Variants in RORA observed in about 807,000 individuals in gnomAD.
RORA encodes RAR related orphan receptor A.
In RORA, 7 loss-of-function variants were observed where a neutral mutation model predicts 69.5. The ratio of observed to expected loss-of-function variants is 0.10; its 90% CI spans 0.06 to 0.19. RORA has a LOEUF of 0.19. Among genes scored for constraint, RORA ranks in the 10% least tolerant of loss-of-function variants. The pLI is 1.00. For missense variants in RORA, 457 were observed against 663.0 expected (o/e 0.69, Z 3.41); for synonymous variants, 261 against 240.8 (o/e 1.08, Z -0.78).
At chr15:60,926,054 G>C (rs182272467) in intron 1 of RORA, among the ~76,000 whole-genome samples, 2 of 152,168 alleles carry the variant, frequency 1.3e-5, no homozygotes, top group Non-Finnish European at 2.9e-5. Flanking sequence ...AACTGCTCTT[G>C]AACAACTAGG....
rs1316787918 is a variant in RORA at position 61,128,683 on chromosome 15, C to T, written c.166+100370G>A. Among the ~76,000 whole-genome samples the T allele has an allele frequency of 6.6e-6, 1 of 152,182 alleles. No individual in the cohort carries two copies. The highest frequency in any genetic ancestry group is 2.4e-5 in the African/African-American group (1 of 41,446). ...CAACTGCCAGGGACACATATGAATG[C>T]TGTGATATCTGTCAGGGAAGGGGAA... On this transcript the variant is annotated intron_variant, in intron 1 of 10. Transcript: ENST00000335670. The surrounding 1 kb of genome is among the most constrained non-coding windows in gnomAD (Gnocchi z 4.5).
At position 60,816,735 on chromosome 15, in the gene RORA, A is replaced by T. The variant is rs1475566087; in HGVS notation, c.167-138049T>A. On this transcript the variant is annotated intron_variant, in intron 1 of 10. Coordinates refer to ENST00000335670, the MANE Select transcript of RORA (RefSeq NM_134261.3). The stretch of plus-strand genomic sequence containing the variant: ...TGTACCCTAAAACTTAAAGTATAAT[A>T]AAAAAAATAAAATAAAATAAAATAA... Among the ~76,000 whole-genome samples, 11 of 140,202 alleles carry T rather than the reference A, an allele frequency of 7.8e-5. 1 individual carries two copies. In the East Asian group the frequency reaches 2.1e-3, roughly 27 times the overall value. The allele number at this position is 140,202 out of a possible 152,430, so 92.0% of individuals were successfully genotyped here.
intron 1 of RORA, among the ~76,000 whole-genome samples, chr15:60,891,364 G>A (rs1595796598): frequency 2.0e-5 from 3 of 152,310 alleles, no homozygotes; most frequent in Admixed American, 2.0e-4. Flanking sequence ...AGAGTCAGAT[G>A]TACATACAAA....
At chr15:61,041,937 C>A (rs1026258176) in intron 1 of RORA, among the ~76,000 whole-genome samples, 1 of 152,132 alleles carries the variant, frequency 6.6e-6, no homozygotes, top group African/African-American at 2.4e-5. Context: ...TCAGAGGTCA[C>A]AGAACAAACA....
chr15:60,941,149 C>T (rs1892684571), intron 1 of RORA, among the ~76,000 whole-genome samples: 1 of 152,190 alleles, frequency 6.6e-6, no homozygotes, highest in African/African-American at 2.4e-5. Context: ...ATTTTTATGG[C>T]ATGGTGATAA....
At chr15:61,180,699 C>T in intron 1 of RORA, among the ~76,000 whole-genome samples, 1 of 152,176 alleles carries the variant, frequency 6.6e-6, no homozygotes, top group East Asian at 1.9e-4. Flanking sequence ...TTTTTGCTGT[C>T]TTCCTTACTA....
intron 1 of RORA, among the ~76,000 whole-genome samples, chr15:60,951,725 C>T (rs963979456): frequency 5.3e-5 from 8 of 152,126 alleles, no homozygotes; most frequent in African/African-American, 1.9e-4. Context: ...ATAAACTCCC[C>T]AAAGACTAAA....
intron 1 of RORA, among the ~76,000 whole-genome samples, chr15:61,078,680 T>C (rs2078490512): frequency 6.6e-6 from 1 of 152,134 alleles, no homozygotes; most frequent in Non-Finnish European, 1.5e-5. Context: ...GACTTTGGTG[T>C]AAAAGCTCTT....
chr15:60,674,508 T>C (rs2070523096), intron 2 of RORA, among the ~76,000 whole-genome samples: 2 of 152,222 alleles, frequency 1.3e-5, no homozygotes, highest in Admixed American at 6.5e-5. Flanking sequence ...TTTTAAATGA[T>C]TGCAATAAAC....
chr15:60,766,650 C>A (rs2071997259), intron 1 of RORA, among the ~76,000 whole-genome samples: 1 of 146,202 alleles, frequency 6.8e-6, no homozygotes, highest in Admixed American at 7.0e-5. Flanking sequence ...GATTGCCAAA[C>A]TTTGCCCTTC....
intron 2 of RORA, among the ~76,000 whole-genome samples, chr15:60,592,160 G>T (rs956313394): frequency 2.0e-5 from 3 of 151,944 alleles, no homozygotes; most frequent in Non-Finnish European, 4.4e-5. Context: ...AGCAGAGGGG[G>T]ATCCACCCCG....
chr15:60,711,742 T>G (rs529846042), intron 1 of RORA, among the ~76,000 whole-genome samples: 1 of 152,342 alleles, frequency 6.6e-6, no homozygotes, highest in East Asian at 1.9e-4. Flanking sequence ...AAGAAGATAT[T>G]TCTTTTGGGG....
intron 1 of RORA, among the ~76,000 whole-genome samples, chr15:60,864,467 T>A (rs2073464674): frequency 6.7e-6 from 1 of 149,622 alleles, no homozygotes; most frequent in African/African-American, 2.5e-5. Flanking sequence ...CAAACGTCCT[T>A]TCATGTTACC....
Position 60,511,455 on chromosome 15 carries a change from G to C in RORA, c.591C>G (p.His197Gln), listed in dbSNP as rs750296474. 8.7e-6 allele frequency: 14 copies of C among 1,614,030 alleles called. No homozygotes were observed. In the African/African-American group the frequency reaches 1.6e-4, roughly 18 times the overall value. Reference protein sequence around the residue: ...NISANGLTELHDDLSNYIDGH... With the variant: ...NISANGLTELQDDLSNYIDGH... ...CGTCAATGTAGTTACTGAGGTCGTCGTGAAGTTCCGTCAGCCCGTTGGCCG... is the reference window on the plus strand; with the variant it reads ...CGTCAATGTAGTTACTGAGGTCGTCCTGAAGTTCCGTCAGCCCGTTGGCCG... The change falls in exon 5 of 11, where the codon CAC becomes CAG. Residue 197 changes from histidine to glutamine, a missense_variant. Physicochemically the swap from His to Gln is conservative, Grantham distance 24 (BLOSUM62 0). Coordinates refer to ENST00000335670, the MANE Select transcript of RORA (RefSeq NM_134261.3). The surrounding 1 kb of genome is among the most constrained non-coding windows in gnomAD (Gnocchi z 6.4).
At chr15:60,857,737 G>C (rs2073395786) in intron 1 of RORA, among the ~76,000 whole-genome samples, 1 of 152,154 alleles carries the variant, frequency 6.6e-6, no homozygotes, top group Admixed American at 6.5e-5. Flanking sequence ...AAACTCACTT[G>C]GAGTTCAACA....
chr15:60,911,477 C>A (rs1891715104), intron 1 of RORA, among the ~76,000 whole-genome samples: 1 of 152,146 alleles, frequency 6.6e-6, no homozygotes, highest in African/African-American at 2.4e-5. Context: ...TTTCTAGGAT[C>A]TTAGGGGAAA....
rs2078157293 is a variant in RORA at position 61,059,995 on chromosome 15, GAAGAAGAAGAAGAAGAA to G, written c.166+169041_166+169057del. Among the ~76,000 whole-genome samples the G allele has an allele frequency of 2.0e-4, 22 of 108,550 alleles. No homozygotes were observed. The East Asian group carries it at 5.2e-3, about 26-fold the overall frequency. 71.2% of individuals were successfully genotyped at this position (108,550 alleles called of 152,430 possible). A position where few individuals can be genotyped will look rare whatever the true frequency, so the allele number is the denominator to read the frequency against. ...GGAAGAGGAAGAGGAAGAGGAAGAA[GAAGAAGAAGAAGAAGAA>G]GAAGAAGAAGAAGAAGAAGAAGAAG... On this transcript the variant is annotated intron_variant, in intron 1 of 10. Transcript: ENST00000335670.
chr15:60,637,479 T>C (rs1284861204), intron 2 of RORA, among the ~76,000 whole-genome samples: 2 of 152,180 alleles, frequency 1.3e-5, no homozygotes, highest in Non-Finnish European at 2.9e-5. Context: ...CTGTAATTTC[T>C]TCTATTACTG....
At chr15:60,759,571 G>C (rs144029573) in intron 1 of RORA, among the ~76,000 whole-genome samples, 3 of 152,222 alleles carry the variant, frequency 2.0e-5, no homozygotes, top group Non-Finnish European at 4.4e-5. Flanking sequence ...CACATTTTGC[G>C]TGCAACCACA....
Sources: gnomAD v4.1 joint callset for allele counts (sites outside exome capture counted in the v4.1 genomes callset) on GRCh38, gnomAD v4.1.1 for gene constraint, Gnocchi (gnomAD v3.1) non-coding constraint, MANE v1.5 for transcripts, NCBI Gene and HGNC (gene_info 2026-07-23, HGNC 2026-07-21) for gene names.